The following RTN1 variants were observed in gnomAD, a reference collection of about 807,000 sequenced individuals.
RTN1 encodes reticulon-1.
In RTN1, 25 loss-of-function variants were observed where a neutral mutation model predicts 65.5. That is an observed-to-expected ratio of 0.38 (90% CI 0.28 to 0.53). The LOEUF is 0.53. Among genes scored for constraint, RTN1 ranks in the 20% least tolerant of loss-of-function variants. RTN1 has a pLI of 0.79. For synonymous variants in RTN1, 471 were observed against 447.6 expected (o/e 1.05, Z -0.66); for missense variants, 983 against 1,025.4 (o/e 0.96, Z 0.57).
chr14:59,758,941 C>G (rs894541943), intron 1 of RTN1, among the ~76,000 whole-genome samples: 7 of 152,152 alleles, frequency 4.6e-5, no homozygotes, highest in Non-Finnish European at 1.0e-4. Context: ...GCTTAGTAAC[C>G]TAGTGTGCCC....
In RTN1 at chr14:59,766,757, C is replaced by T. The variant is rs542515079; in HGVS notation, c.242-20276G>A. Among the ~76,000 whole-genome samples the T allele has an allele frequency of 4.6e-5, 7 of 151,932 alleles. No individual in the cohort carries two copies. Among genetic ancestry groups the T allele is most frequent in the South Asian group, 2.1e-4 (1 of 4,776 alleles). The stretch of plus-strand genomic sequence containing the variant: ...CCTGCTATGTGCCAGTCACCATGCT[C>T]GGTGCTTAAAGTCTCAGTCATGCCA... On this transcript the variant is annotated intron_variant, in intron 1 of 8. Transcript: ENST00000267484. The surrounding 1 kb of genome is among the most constrained non-coding windows in gnomAD (Gnocchi z 4.4).
chr14:59,762,401 C>T (rs1401589545), intron 1 of RTN1, among the ~76,000 whole-genome samples: 6 of 152,232 alleles, frequency 3.9e-5, no homozygotes, highest in East Asian at 1.9e-4. Context: ...CATGCTTTAA[C>T]AGTCTATAAG....
chr14:59,706,739 G>A (rs528848252), intron 3 of RTN1, among the ~76,000 whole-genome samples: 9 of 152,262 alleles, frequency 5.9e-5, no homozygotes, highest in East Asian at 3.9e-4. Context: ...AGTAATCTCC[G>A]TGATGCTCAA....
chr14:59,728,521 C>G (rs1270239318), intron 2 of RTN1, among the ~76,000 whole-genome samples: 1 of 152,074 alleles, frequency 6.6e-6, no homozygotes, highest in Non-Finnish European at 1.5e-5. Flanking sequence ...CACTGGCAAT[C>G]TTGCTGAGCT....
chr14:59,738,574 AT>A (rs1032712041), intron 2 of RTN1, among the ~76,000 whole-genome samples: 16 of 152,240 alleles, frequency 1.1e-4, no homozygotes, highest in Admixed American at 1.0e-3. Flanking sequence ...TAGTTCAACC[AT>A]TGTGGAAAAC....
At chr14:59,599,238 T>C (rs1444294977) in intron 8 of RTN1, among the ~76,000 whole-genome samples, 1 of 152,208 alleles carries the variant, frequency 6.6e-6, no homozygotes, top group African/African-American at 2.4e-5. Flanking sequence ...AGTTGACTTT[T>C]TAGAAACCTA....
At chr14:59,795,208 G>T (rs1343579237) in intron 1 of RTN1, among the ~76,000 whole-genome samples, 1 of 152,094 alleles carries the variant, frequency 6.6e-6, no homozygotes, top group Non-Finnish European at 1.5e-5. Context: ...ACTGGAATTT[G>T]TCCAAACTGT....
At chr14:59,750,968 T>C (rs1885507952) in intron 1 of RTN1, among the ~76,000 whole-genome samples, 1 of 139,406 alleles carries the variant, frequency 7.2e-6, no homozygotes, top group African/African-American at 2.9e-5. Flanking sequence ...TCCTTCTGCC[T>C]TGGCCTCCCA....
At chr14:59,659,578 C>A (rs1459211453) in intron 3 of RTN1, among the ~76,000 whole-genome samples, 2 of 152,130 alleles carry the variant, frequency 1.3e-5, no homozygotes, top group Non-Finnish European at 2.9e-5. Context: ...AGAGTGGGGA[C>A]CAATATGCAA....
intron 4 of RTN1, 92 bp from the exon 5 acceptor site, chr14:59,605,598 C>CA: frequency 2.2e-6 from 3 of 1,388,740 alleles, no homozygotes; most frequent in Non-Finnish European, 3.0e-6. Flanking sequence ...TTCCTACTCT[C>CA]ACTCTGAGGG....
intron 3 of RTN1, among the ~76,000 whole-genome samples, chr14:59,644,512 C>T (rs145170311): frequency 1.2e-4 from 18 of 152,250 alleles, no homozygotes; most frequent in African/African-American, 2.2e-4. Flanking sequence ...CGTGGAGCCC[C>T]GGGAGCTTTA....
chr14:59,819,666 G>C (rs1230343273), intron 1 of RTN1, among the ~76,000 whole-genome samples: 1 of 152,076 alleles, frequency 6.6e-6, no homozygotes, highest in Admixed American at 6.5e-5. Context: ...GCCCGTCGGG[G>C]AGGCTGGGGG....
intron 3 of RTN1, among the ~76,000 whole-genome samples, chr14:59,669,428 G>C (rs1320173332): frequency 6.6e-6 from 1 of 151,802 alleles, no homozygotes; most frequent in Non-Finnish European, 1.5e-5. Flanking sequence ...ACACAGGGCA[G>C]GGAACATCAT....
At position 59,603,132 on chromosome 14, in the gene RTN1, A is replaced by C. The variant is rs1881631606; in HGVS notation, c.2230-9T>G. 1 of 1,610,306 alleles carries C rather than the reference A, an allele frequency of 6.2e-7. No homozygotes were observed. Among genetic ancestry groups the C allele is most frequent in the Admixed American group, 1.7e-5 (1 of 59,562 alleles). On this transcript the variant is annotated splice_polypyrimidine_tract_variant and intron_variant, in intron 7 of 8. Transcript: ENST00000267484. ...TATTGGTCAATCTGTGCCTACATAAAGAAAAAAAAAATAATGAGCATATCC... is the reference window on the plus strand; with the variant it reads ...TATTGGTCAATCTGTGCCTACATAACGAAAAAAAAAATAATGAGCATATCC...
intron 3 of RTN1, among the ~76,000 whole-genome samples, chr14:59,701,116 C>T (rs1326443767): frequency 2.0e-5 from 3 of 152,122 alleles, no homozygotes; most frequent in African/African-American, 7.2e-5. Flanking sequence ...AAAAGATGCT[C>T]AACACTATTA....
rs186443352 is a variant in RTN1 at position 59,731,369 on chromosome 14, T to C, written c.1016-3701A>G. Among the ~76,000 whole-genome samples, 687 of 152,036 alleles carry C rather than the reference T, an allele frequency of 4.5e-3. 8 individuals are homozygous for C. The highest frequency in any genetic ancestry group is 5.7e-3 in the Admixed American group (87 of 15,274). ...AGATTTGGAGGGTGAGAAAAGGGGG[T>C]GCAGGGTTTCTTTTTGGGGTAATAA... On this transcript the variant is annotated intron_variant, in intron 2 of 8. Transcript: ENST00000267484.
intron 1 of RTN1, among the ~76,000 whole-genome samples, chr14:59,800,463 C>T (rs929267939): frequency 5.9e-5 from 9 of 152,158 alleles, no homozygotes; most frequent in East Asian, 3.8e-4. Context: ...GGCAGTGGCA[C>T]GATCTCGGCT....
At position 59,865,917 on chromosome 14, in the gene RTN1, T is replaced by C. The variant is rs80005207; in HGVS notation, c.241+4473A>G. Among the ~76,000 whole-genome samples the C allele has an allele frequency of 8.5e-4, 129 of 152,252 alleles. 1 individual carries two copies. Among genetic ancestry groups the C allele is most frequent in the East Asian group, 7.9e-3 (41 of 5,188 alleles). On this transcript the variant is annotated intron_variant, in intron 1 of 8. Transcript: ENST00000267484. ...TAGAGAATGAGATAGATGATAGAAA[T>C]AAAGGGAGAGAAAGATTTTGTTTTT...
intron 1 of RTN1, among the ~76,000 whole-genome samples, chr14:59,853,149 G>T (rs3925441): frequency 0.22 from 33,174 of 151,978 alleles, 4,123 homozygotes; most frequent in East Asian, 0.56. Context: ...CCAGAATTTG[G>T]GGGTGTTTGT....
Sources: gnomAD v4.1 joint callset for allele counts (sites outside exome capture counted in the v4.1 genomes callset) on GRCh38, gnomAD v4.1.1 for gene constraint, Gnocchi (gnomAD v3.1) non-coding constraint, MANE v1.5 for transcripts, NCBI Gene and HGNC (gene_info 2026-07-23, HGNC 2026-07-21) for gene names.